TG: variants seen among roughly 807,000 people sequenced by gnomAD.
TG encodes thyroid hormones.
TG carries 270 observed loss-of-function variants against 324.7 expected under a neutral mutation model. The ratio of observed to expected loss-of-function variants is 0.83; its 90% confidence interval spans 0.75 to 0.92. The LOEUF (loss-of-function observed/expected upper bound fraction) is 0.92, where lower values mean the gene tolerates loss of function less well. Among genes scored for constraint, TG ranks in the 40% least tolerant of loss-of-function variants. The probability of loss-of-function intolerance (pLI) is 0.00; values close to 1 mark genes in which losing one functional copy is unlikely to be tolerated. For synonymous variants in TG, 1,401 were observed against 1,327.0 expected, an observed-to-expected ratio of 1.06 and a Z score of -1.21; for missense variants, 3,591 against 3,456.4, an observed-to-expected ratio of 1.04 and a Z score of -0.98.
chr8:133,033,567 A>G (rs1401380929), intron 41 of TG, among the ~76,000 whole-genome samples: 3 of 152,132 alleles, frequency 2.0e-5, no homozygotes. Context: ...TCTGGTCTTG[A>G]TTTTTACTCC....
chr8:132,983,355 CA>C lies in TG; in HGVS notation c.6209del (p.Asn2070IlefsTer83). 2 of 1,614,096 alleles carry C rather than the reference CA, an allele frequency of 1.2e-6. No individual in the cohort carries two copies. Among genetic ancestry groups the C allele is most frequent in the Non-Finnish European group, 1.7e-6 (2 of 1,180,004 alleles). ...PFGWYQKPIA[Q>X]NNAPSFCPLV... ...GACTGCTTTTTCCTTTTCAGTTGCT[CA>C]AAATAATGCTCCCAGTTTTTGCCCT... On this transcript the variant is annotated frameshift_variant, in exon 35 of 48. Coordinates refer to ENST00000220616, the MANE Select transcript of TG (RefSeq NM_003235.5). LOFTEE classifies it high-confidence loss of function.
At chr8:133,039,080 T>A (rs1167188385) in intron 41 of TG, among the ~76,000 whole-genome samples, 1 of 152,176 alleles carries the variant, frequency 6.6e-6, no homozygotes, top group Non-Finnish European at 1.5e-5. Flanking sequence ...GGTTTCACCA[T>A]GTTGGCCAGG....
Position 133,133,617 on chromosome 8 carries a change from C to G in TG, c.8145C>G (p.Cys2715Trp). The stretch of plus-strand genomic sequence containing the variant: ...GACAGGGCCTGAAGAAAGCCGACTG[C>G]TCCTTCTGGTCCAAGTACATCTCGT... ...PNRQGLKKAD[C>W]SFWSKYISSL... is the part of the protein sequence containing the mutation. The change falls in exon 47 of 48, where the codon TGC becomes TGG. Residue 2715 changes from cysteine to tryptophan, a missense_variant. Transcript: ENST00000220616. 6.2e-7 allele frequency: 1 copy of G among 1,614,250 alleles called. No individual in the cohort carries two copies. The highest frequency in any genetic ancestry group is 8.5e-7 in the Non-Finnish European group (1 of 1,180,044).
At chr8:133,069,696 A>G (rs991657962) in intron 41 of TG, among the ~76,000 whole-genome samples, 8 of 152,108 alleles carry the variant, frequency 5.3e-5, no homozygotes, top group Non-Finnish European at 7.4e-5. Flanking sequence ...AATAAAAGGG[A>G]ACAGTTAGAA....
intron 27 of TG, among the ~76,000 whole-genome samples, chr8:132,958,869 T>C (rs1827347791): frequency 6.6e-6 from 1 of 152,174 alleles, no homozygotes; most frequent in Non-Finnish European, 1.5e-5. Context: ...TCTGTGTTGT[T>C]GCAGTAGGAG....
chr8:132,957,742 TAC>T (rs6150825), intron 27 of TG, among the ~76,000 whole-genome samples: 1,234 of 41,406 alleles, frequency 0.03, 12 homozygotes, highest in Middle Eastern at 0.083. Flanking sequence ...CATGGTAAAC[TAC>T]ACACACACAC....
chr8:133,038,180 A>G (rs1250922491), intron 41 of TG: 1 of 321,404 alleles, frequency 3.1e-6, no homozygotes, highest in Non-Finnish European at 5.9e-6. Flanking sequence ...GGACAGGTCC[A>G]GTTCCTTGGA....
chr8:132,925,516 C>CATGTGTGTGTGTGTGTGTGT (rs1554670095), intron 22 of TG, among the ~76,000 whole-genome samples: 1 of 144,732 alleles, frequency 6.9e-6, no homozygotes, highest in African/African-American at 2.6e-5. Flanking sequence ...CTAAGGAGTG[C>CATGTGTGTGTGTGTGTGTGT]GTGTGTGTGT....
At chr8:132,942,846 G>A (rs893126826) in intron 26 of TG, among the ~76,000 whole-genome samples, 3 of 152,184 alleles carry the variant, frequency 2.0e-5, no homozygotes, top group African/African-American at 7.2e-5. Flanking sequence ...TGTGGGATGA[G>A]CAGTACTTAG....
chr8:133,117,672 G>C (rs776798296), intron 45 of TG, among the ~76,000 whole-genome samples: 1 of 152,216 alleles, frequency 6.6e-6, no homozygotes, highest in African/African-American at 2.4e-5. Context: ...AGCATTCACA[G>C]GTAACAGATC....
intron 26 of TG, among the ~76,000 whole-genome samples, chr8:132,948,185 C>CA (rs1016180431): frequency 2.6e-4 from 39 of 151,692 alleles, no homozygotes; most frequent in Non-Finnish European, 5.2e-4. Flanking sequence ...TCCGTCCCCC[C>CA]CCAAAAAAAG....
At chr8:133,038,427 G>C in intron 41 of TG, 1 of 913,702 alleles carries the variant, frequency 1.1e-6, no homozygotes, top group Non-Finnish European at 1.8e-6. Context: ...AATACGTGAG[G>C]CTCCCAGGGA....
intron 33 of TG, 200 bp from the exon 34 acceptor site, chr8:132,972,398 C>T (rs1456861100): frequency 3.2e-6 from 2 of 627,982 alleles, no homozygotes; most frequent in Non-Finnish European, 5.5e-6. Context: ...GTAGCTCTAT[C>T]CCTTTGCTCT....
At chr8:132,942,010 T>C (rs931887429) in intron 26 of TG, among the ~76,000 whole-genome samples, 9 of 152,308 alleles carry the variant, frequency 5.9e-5, no homozygotes, top group East Asian at 3.9e-4. Flanking sequence ...CAATGATCTA[T>C]TGAGTGCCCA....
At chr8:133,131,751 T>C in intron 45 of TG, 61 bp from the exon 46 acceptor site, 1 of 1,604,452 alleles carries the variant, frequency 6.2e-7, no homozygotes, top group Non-Finnish European at 8.5e-7. Flanking sequence ...TGTGTGTTTG[T>C]GTTTTTGAGT....
chr8:132,944,934 G>A (rs946291319), intron 26 of TG, among the ~76,000 whole-genome samples: 1 of 152,220 alleles, frequency 6.6e-6, no homozygotes, highest in African/African-American at 2.4e-5. Context: ...ATAAAGAAGA[G>A]AAGCCTAGAG....
rs115789271 is a variant in TG, at chr8:132,900,323, G to A, written c.3417G>A (p.Ser1139=). The change falls in exon 15 of 48, where the codon TCG becomes TCA. Residue 1139 remains serine (S), a synonymous_variant. Coordinates refer to ENST00000220616, the MANE Select transcript of TG (RefSeq NM_003235.5). ...CAGGAGAAGAGTTGCGGCCTGGCTC[G>A]AGCAGCAGTGCCCAGTGTGAGTAGC... The part of the protein sequence containing the change: ...PASGEELRPG[S]SSSAQCPSLC... 3.1e-6 allele frequency: 5 copies of A among 1,612,724 alleles called. No homozygotes were observed. The highest frequency in any genetic ancestry group is 2.7e-5 in the African/African-American group (2 of 75,012).
At chr8:133,007,960 A>G (rs1834171238) in intron 35 of TG, among the ~76,000 whole-genome samples, 1 of 152,144 alleles carries the variant, frequency 6.6e-6, no homozygotes, top group African/African-American at 2.4e-5. Context: ...CATGTCTGTG[A>G]GTTTCATTGA....
chr8:132,948,952 T>A lies in TG; in HGVS notation c.5401+9T>A. ...CCAGGAGTTCATCAAGAGTAAGTCT[T>A]TGCCATTTGTCCATATTCTTTCAAA... is the stretch of plus-strand genomic sequence containing the variant. On this transcript the variant is annotated intron_variant, in intron 27 of 47. Transcript: ENST00000220616. The A allele has an allele frequency of 6.2e-6, 10 of 1,612,442 alleles. No homozygotes were observed. The highest frequency in any genetic ancestry group is 7.6e-6 in the Non-Finnish European group (9 of 1,179,910).
Sources: allele counts gnomAD v4.1 joint callset (sites outside exome capture counted in the v4.1 genomes callset), GRCh38; gene constraint gnomAD v4.1.1; transcripts MANE v1.5; gene names NCBI Gene and HGNC (gene_info 2026-07-23, HGNC 2026-07-21).